Variants in GRIK2 observed in about 807,000 individuals in gnomAD.
GRIK2 encodes the protein glutamate receptor ionotropic, kainate 2.
A neutral mutation model predicts 100.3 loss-of-function variants in GRIK2; 32 were observed. The ratio of observed to expected loss-of-function variants is 0.32; its 90% CI spans 0.24 to 0.43. The LOEUF (loss-of-function observed/expected upper bound fraction) is 0.43, where lower values mean the gene tolerates loss of function less well. GRIK2 is among the 20% of genes least tolerant of loss of function. The probability of loss-of-function intolerance (pLI) is 1.00; values close to 1 mark genes in which losing one functional copy is unlikely to be tolerated. For missense variants in GRIK2, 843 were observed against 1,114.9 expected, an observed-to-expected ratio of 0.76 and a Z score of 3.47; for synonymous variants, 417 against 389.4, an observed-to-expected ratio of 1.07 and a Z score of -0.83.
chr6:101,824,651 T>C (rs966416785), intron 10 of GRIK2, among the ~76,000 whole-genome samples: 3 of 152,220 alleles, frequency 2.0e-5, no homozygotes, highest in Admixed American at 1.3e-4. Flanking sequence ...CAAATGACTA[T>C]GCATTTGGTT....
At chr6:101,400,961 C>T (rs1436106956) in intron 2 of GRIK2, among the ~76,000 whole-genome samples, 3 of 152,134 alleles carry the variant, frequency 2.0e-5, no homozygotes, top group South Asian at 2.1e-4. Flanking sequence ...TAAACAGGTC[C>T]GTATACCATT....
intron 4 of GRIK2, among the ~76,000 whole-genome samples, chr6:101,639,302 GGGAT>G (rs1781173638): frequency 6.6e-6 from 1 of 152,114 alleles, no homozygotes; most frequent in Non-Finnish European, 1.5e-5. Context: ...CCAAAATGCT[GGGAT>G]TACAGGCGTG....
At chr6:102,028,826 C>CT (rs919564092) in intron 14 of GRIK2, among the ~76,000 whole-genome samples, 15 of 150,644 alleles carry the variant, frequency 1.0e-4, no homozygotes, top group South Asian at 6.2e-4. Flanking sequence ...TCTATTTTCA[C>CT]TTTTTTTTAA....
intron 2 of GRIK2, among the ~76,000 whole-genome samples, chr6:101,595,448 G>A (rs1474454937): frequency 6.6e-6 from 1 of 151,554 alleles, no homozygotes; most frequent in African/African-American, 2.4e-5. Context: ...ACAGATAGCT[G>A]GTCAAGTTTG....
intron 10 of GRIK2, among the ~76,000 whole-genome samples, chr6:101,828,885 G>A (rs566859712): frequency 2.0e-5 from 3 of 151,988 alleles, no homozygotes; most frequent in East Asian, 1.9e-4. Flanking sequence ...AAAATTTGAG[G>A]TGGAAGGACT....
chr6:101,582,110 T>C (rs1778131887), intron 2 of GRIK2, among the ~76,000 whole-genome samples: 1 of 152,066 alleles, frequency 6.6e-6, no homozygotes, highest in Non-Finnish European at 1.5e-5. Flanking sequence ...GGGATACATG[T>C]GCAGAACGTA....
At chr6:101,679,822 C>A (rs1303043895) in intron 5 of GRIK2, among the ~76,000 whole-genome samples, 1 of 152,148 alleles carries the variant, frequency 6.6e-6, no homozygotes, top group Non-Finnish European at 1.5e-5. Flanking sequence ...TCACTGCAAC[C>A]TCTACCTTCT....
chr6:101,478,630 C>A (rs1226437493), intron 2 of GRIK2, among the ~76,000 whole-genome samples: 1 of 150,894 alleles, frequency 6.6e-6, no homozygotes, highest in Admixed American at 6.6e-5. Flanking sequence ...TCTCCTGACT[C>A]AGCCTCCCGA....
chr6:101,491,487 A>G (rs1376980160), intron 2 of GRIK2, among the ~76,000 whole-genome samples: 2 of 152,062 alleles, frequency 1.3e-5, no homozygotes, highest in Non-Finnish European at 1.5e-5. Context: ...AATATGTTTT[A>G]ATTATCAAAA....
chr6:101,734,135 T>C (rs1277877462), intron 7 of GRIK2, among the ~76,000 whole-genome samples: 1 of 152,126 alleles, frequency 6.6e-6, no homozygotes, highest in African/African-American at 2.4e-5. Flanking sequence ...CACACTCTTG[T>C]TACCAAAATC....
At chr6:101,662,199 A>G (rs936876960) in intron 4 of GRIK2, among the ~76,000 whole-genome samples, 6 of 152,184 alleles carry the variant, frequency 3.9e-5, no homozygotes, top group Non-Finnish European at 7.3e-5. Context: ...GTCTCTTCCA[A>G]TTGCTGGACT....
At chr6:101,903,258 A>T (rs1490118558) in intron 12 of GRIK2, among the ~76,000 whole-genome samples, 1 of 151,868 alleles carries the variant, frequency 6.6e-6, no homozygotes, top group Non-Finnish European at 1.5e-5. Context: ...CTGCCACTTC[A>T]GTTCTTTTGT....
intron 7 of GRIK2, among the ~76,000 whole-genome samples, chr6:101,742,994 T>G (rs1370776147): frequency 6.6e-6 from 1 of 152,122 alleles, no homozygotes; most frequent in East Asian, 1.9e-4. Context: ...TTAGAGAGAT[T>G]AAGGAAAAGT....
chr6:101,566,208 G>A (rs886511397), intron 2 of GRIK2, among the ~76,000 whole-genome samples: 9 of 151,648 alleles, frequency 5.9e-5, no homozygotes, highest in African/African-American at 2.2e-4. Context: ...AACTGTACAA[G>A]TGTTCTGTCT....
At chr6:101,595,731 T>C (rs1308920867) in intron 2 of GRIK2, among the ~76,000 whole-genome samples, 1 of 148,822 alleles carries the variant, frequency 6.7e-6, no homozygotes, top group Non-Finnish European at 1.5e-5. Context: ...TATATATATA[T>C]ATATATATAT....
chr6:102,063,002 A>T (rs1406677004), intron 16 of GRIK2, among the ~76,000 whole-genome samples: 4 of 150,712 alleles, frequency 2.7e-5, no homozygotes, highest in African/African-American at 9.7e-5. Flanking sequence ...ATTCTTGGGC[A>T]AATGGCCTAT....
At chr6:101,413,474 T>G (rs900589924) in intron 2 of GRIK2, among the ~76,000 whole-genome samples, 1 of 152,160 alleles carries the variant, frequency 6.6e-6, no homozygotes, top group Non-Finnish European at 1.5e-5. Flanking sequence ...CTTGTCTGGT[T>G]TTTTAATTAT....
chr6:101,989,650 T>G (rs1294922803), intron 14 of GRIK2, among the ~76,000 whole-genome samples: 1 of 151,620 alleles, frequency 6.6e-6, no homozygotes, highest in African/African-American at 2.4e-5. Flanking sequence ...TCACAGACCT[T>G]TATTTATTAC....
At chr6:101,571,405 T>A (rs1421908928) in intron 2 of GRIK2, among the ~76,000 whole-genome samples, 1 of 152,162 alleles carries the variant, frequency 6.6e-6, no homozygotes, top group Non-Finnish European at 1.5e-5. Flanking sequence ...CAATTCACAT[T>A]TATTTTATCT....
Sources: allele counts gnomAD v4.1 joint callset (sites outside exome capture counted in the v4.1 genomes callset), GRCh38; gene constraint gnomAD v4.1.1; transcripts MANE v1.5; gene names NCBI Gene and HGNC (gene_info 2026-07-23, HGNC 2026-07-21).